The following SGMS1 variants were observed in gnomAD, a reference collection of about 807,000 sequenced individuals.
The protein encoded by SGMS1 is sphingomyelin synthase 1.
Under a neutral mutation model 46.2 loss-of-function variants are expected in SGMS1, and 13 were observed. The observed-to-expected ratio is 0.28, with a 90% CI of 0.18 to 0.45. SGMS1 has a LOEUF of 0.45. Among genes scored for constraint, SGMS1 ranks in the 20% least tolerant of loss-of-function variants. SGMS1 has a pLI of 1.00. For missense variants in SGMS1, 324 were observed against 519.9 expected, an observed-to-expected ratio of 0.62 and a Z score of 3.66; for synonymous variants, 203 against 187.8, an observed-to-expected ratio of 1.08 and a Z score of -0.66.
chr10:50,383,724 T>C (rs1476824072), intron 6 of SGMS1, among the ~76,000 whole-genome samples: 5 of 152,220 alleles, frequency 3.3e-5, no homozygotes, highest in African/African-American at 9.6e-5. Context: ...CACACACACA[T>C]ATAATCTATA....
chr10:50,619,646 GC>G (rs1333021099), intron 1 of SGMS1, among the ~76,000 whole-genome samples: 17 of 152,300 alleles, frequency 1.1e-4, no homozygotes, highest in African/African-American at 3.9e-4. Context: ...TCAGCTCTCA[GC>G]ACCAGGAGTC....
intron 6 of SGMS1, among the ~76,000 whole-genome samples, chr10:50,349,441 G>A (rs781396330): frequency 5.3e-5 from 8 of 152,212 alleles, no homozygotes; most frequent in South Asian, 2.1e-4. Flanking sequence ...GCGTTTGAGA[G>A]TCTATCCAGC....
chr10:50,519,117 A>G (rs527264810), intron 3 of SGMS1, among the ~76,000 whole-genome samples: 3 of 152,288 alleles, frequency 2.0e-5, no homozygotes, highest in African/African-American at 7.2e-5. Flanking sequence ...GCAGAACACT[A>G]CATGCAATAT....
intron 3 of SGMS1, among the ~76,000 whole-genome samples, chr10:50,479,100 G>A (rs1321379395): frequency 2.6e-5 from 4 of 151,020 alleles, no homozygotes; most frequent in African/African-American, 9.8e-5. Context: ...CCTTAAATAT[G>A]TTAATGAGTA....
intron 5 of SGMS1, among the ~76,000 whole-genome samples, chr10:50,447,261 TA>T (rs1837030160): frequency 6.6e-6 from 1 of 152,182 alleles, no homozygotes; most frequent in Admixed American, 6.5e-5. Context: ...AAATTCCTAC[TA>T]TAATCCAGGT....
At chr10:50,419,686 G>C (rs1849228860) in intron 6 of SGMS1, among the ~76,000 whole-genome samples, 1 of 152,146 alleles carries the variant, frequency 6.6e-6, no homozygotes, top group Non-Finnish European at 1.5e-5. Context: ...GCTAATTCCT[G>C]AGGTCCCATT....
intron 6 of SGMS1, among the ~76,000 whole-genome samples, chr10:50,365,255 C>CAAAAAAAAAAAAAAAA (rs67951872): frequency 3.3e-4 from 15 of 45,024 alleles, no homozygotes; most frequent in East Asian, 1.3e-3. Flanking sequence ...TCCATCTCAC[C>CAAAAAAAAAAAAAAAA]AAAAAAAAAA....
At chr10:50,594,619 C>T (rs534076361) in intron 1 of SGMS1, among the ~76,000 whole-genome samples, 60 of 151,920 alleles carry the variant, frequency 3.9e-4, no homozygotes, top group African/African-American at 1.4e-3. Flanking sequence ...AAAAGCTGTC[C>T]TTTATAGGTT....
chr10:50,432,042 C>T (rs1268592571), intron 6 of SGMS1, among the ~76,000 whole-genome samples: 1 of 152,124 alleles, frequency 6.6e-6, no homozygotes, highest in African/African-American at 2.4e-5. Flanking sequence ...GACTCAAAAC[C>T]AAACCTTGTT....
intron 6 of SGMS1, among the ~76,000 whole-genome samples, chr10:50,373,922 A>G (rs1848483199): frequency 6.6e-6 from 1 of 152,206 alleles, no homozygotes; most frequent in Admixed American, 6.5e-5. Context: ...AATATTAAGA[A>G]GCTAAGTACA....
chr10:50,591,151 T>C (rs879270791), intron 1 of SGMS1, among the ~76,000 whole-genome samples: 1 of 152,228 alleles, frequency 6.6e-6, no homozygotes, highest in Non-Finnish European at 1.5e-5. Context: ...GTTTTGGCAT[T>C]ACCCATCACA....
intron 6 of SGMS1, among the ~76,000 whole-genome samples, chr10:50,378,899 G>T (rs760577258): frequency 6.6e-6 from 1 of 152,188 alleles, no homozygotes; most frequent in Non-Finnish European, 1.5e-5. Context: ...GAGTAGGGAG[G>T]TTTTTTCTTC....
At chr10:50,488,800 A>G (rs1436636989) in intron 3 of SGMS1, among the ~76,000 whole-genome samples, 1 of 152,126 alleles carries the variant, frequency 6.6e-6, no homozygotes, top group Non-Finnish European at 1.5e-5. Context: ...ACACCTCTCA[A>G]TTTGTACCAG....
intron 3 of SGMS1, among the ~76,000 whole-genome samples, chr10:50,513,611 T>C (rs973747707): frequency 6.6e-6 from 1 of 152,114 alleles, no homozygotes; most frequent in African/African-American, 2.4e-5. Flanking sequence ...CCTCATTCAC[T>C]CAAAAGCTAT....
At chr10:50,418,460 T>C (rs1158764470) in intron 6 of SGMS1, 3 of 152,300 alleles carry the variant, frequency 2.0e-5, no homozygotes, top group African/African-American at 7.2e-5. Context: ...TGTGGCCCTC[T>C]ACCACGGCAA....
rs950916968 is a variant in SGMS1 at position 50,623,173 on chromosome 10, G to A, written c.-684+534C>T. ...CGTCAGGGGGCATCGAGGGGCTACG[G>A]TGGGGGGATCCCGAAATAGTGGGCG... On this transcript the variant is annotated intron_variant, in intron 1 of 10. Coordinates refer to ENST00000361781, the MANE Select transcript of SGMS1 (RefSeq NM_147156.4). Among the ~76,000 whole-genome samples the A allele has an allele frequency of 6.6e-5, 10 of 152,080 alleles. No individual in the cohort carries two copies. In the East Asian group the frequency reaches 1.9e-3, roughly 29 times the overall value.
chr10:50,454,871 G>A (rs1230636009), intron 5 of SGMS1, among the ~76,000 whole-genome samples: 1 of 152,080 alleles, frequency 6.6e-6, no homozygotes, highest in African/African-American at 2.4e-5. Context: ...GAAGTAAACA[G>A]CCAACAAGAA....
intron 3 of SGMS1, among the ~76,000 whole-genome samples, chr10:50,470,319 GA>G (rs1400943694): frequency 6.6e-6 from 1 of 152,094 alleles, no homozygotes; most frequent in East Asian, 1.9e-4. Context: ...TGGCTTAAGA[GA>G]ATACAAAATC....
At chr10:50,577,244 T>C (rs1838393619) in intron 2 of SGMS1, among the ~76,000 whole-genome samples, 1 of 152,096 alleles carries the variant, frequency 6.6e-6, no homozygotes, top group African/African-American at 2.4e-5. Context: ...GAAAACCCAA[T>C]CTGGGTGATG....
Sources: allele counts gnomAD v4.1 joint callset (sites outside exome capture counted in the v4.1 genomes callset), GRCh38; gene constraint gnomAD v4.1.1; transcripts MANE v1.5; gene names NCBI Gene and HGNC (gene_info 2026-07-23, HGNC 2026-07-21).